Variants in BRSK2 observed in about 807,000 individuals in gnomAD.
The protein encoded by BRSK2 is BR serine/threonine kinase 2, also known as serine/threonine-protein kinase BRSK2.
Under a neutral mutation model 83.3 loss-of-function variants are expected in BRSK2, and 19 were observed. The observed-to-expected ratio is 0.23, with a 90% CI of 0.16 to 0.33. The LOEUF (loss-of-function observed/expected upper bound fraction) is 0.33, where lower values mean the gene tolerates loss of function less well. Ranked by LOEUF, BRSK2 falls within the 10% of genes least tolerant of loss-of-function variation. The pLI, the probability that BRSK2 is intolerant of heterozygous loss-of-function variation, is 1.00. For missense variants in BRSK2, 798 were observed against 1,042.3 expected (o/e 0.77, Z 3.23); for synonymous variants, 519 against 435.4 (o/e 1.19, Z -2.39).
chr11:1,426,879 C>T (rs1019741060), intron 1 of BRSK2, among the ~76,000 whole-genome samples: 17 of 152,222 alleles, frequency 1.1e-4, no homozygotes, highest in Middle Eastern at 3.4e-3. Context: ...GTCTATGAAA[C>T]GGGACCACTC....
At chr11:1,414,155 A>G (rs1010864021) in intron 1 of BRSK2, among the ~76,000 whole-genome samples, 2 of 152,266 alleles carry the variant, frequency 1.3e-5, no homozygotes, top group Non-Finnish European at 2.9e-5. Flanking sequence ...TGTACGAACT[A>G]GGATTTGTGC....
At chr11:1,426,792 G>C (rs926444104) in intron 1 of BRSK2, among the ~76,000 whole-genome samples, 3 of 152,084 alleles carry the variant, frequency 2.0e-5, no homozygotes, top group African/African-American at 7.2e-5. Flanking sequence ...GGATGTGGCG[G>C]GGCTGCTGGG....
chr11:1,418,990 T>C (rs1001309575), intron 1 of BRSK2, among the ~76,000 whole-genome samples: 1 of 152,204 alleles, frequency 6.6e-6, no homozygotes, highest in Non-Finnish European at 1.5e-5. Context: ...GATTGATTAA[T>C]TGATTGATCG....
chr11:1,413,708 AGAACGGGG>A (rs1410198622), intron 1 of BRSK2, among the ~76,000 whole-genome samples: 1 of 152,170 alleles, frequency 6.6e-6, no homozygotes, highest in East Asian at 1.9e-4. Flanking sequence ...GGGCCTGGGC[AGAACGGGG>A]GAACCAAAAG....
intron 12 of BRSK2, among the ~76,000 whole-genome samples, chr11:1,449,036 G>C (rs1845474279): frequency 6.6e-6 from 1 of 152,246 alleles, no homozygotes; most frequent in South Asian, 2.1e-4. Context: ...AAGGATGGCA[G>C]CTGCCACTGT....
intron 1 of BRSK2, among the ~76,000 whole-genome samples, chr11:1,426,234 CGTGCTCCGGGG>C (rs1564826527): frequency 6.5e-4 from 62 of 95,970 alleles, no homozygotes; most frequent in Admixed American, 1.8e-3. Flanking sequence ...GTGTGTGGGG[CGTGCTCCGGGG>C]ATGTGTGTGG....
chr11:1,450,661 G>A lies in BRSK2; in HGVS notation c.1362G>A (p.Glu454=), dbSNP rs1845709064. 6.2e-7 allele frequency: 1 copy of A among 1,609,420 alleles called. No homozygotes were observed. The highest frequency in any genetic ancestry group is 8.5e-7 in the Non-Finnish European group (1 of 1,178,742). The change falls in exon 14 of 20, where the codon GAG becomes GAA. Residue 454 remains glutamate (E), a synonymous_variant. Coordinates refer to ENST00000528841, the MANE Select transcript of BRSK2 (RefSeq NM_001256627.2). ...GGACACCTGTCCACACGCCAAAGGA[G>A]AGCCCGGCTGGCACGCCCAACCCCA... ...PKGTPVHTPK[E]SPAGTPNPTP...
intron 12 of BRSK2, among the ~76,000 whole-genome samples, chr11:1,447,297 G>A (rs977319481): frequency 1.2e-4 from 18 of 152,150 alleles, no homozygotes; most frequent in African/African-American, 2.4e-4. Context: ...CCACCTCCCC[G>A]GACTCCCCGA....
At chr11:1,421,102 C>T (rs1231692682) in intron 1 of BRSK2, among the ~76,000 whole-genome samples, 2 of 152,186 alleles carry the variant, frequency 1.3e-5, no homozygotes, top group Non-Finnish European at 2.9e-5. Context: ...GGGCTCCTGG[C>T]TTGGCTGACC....
chr11:1,458,950 G>A (rs1216966846), intron 18 of BRSK2, among the ~76,000 whole-genome samples: 3 of 152,156 alleles, frequency 2.0e-5, no homozygotes, highest in Non-Finnish European at 4.4e-5. Context: ...TGCTGCCCAG[G>A]TGGCTCCGCC....
At chr11:1,445,246 C>G in intron 9 of BRSK2, 48 bp from the exon 10 acceptor site, 1 of 1,561,562 alleles carries the variant, frequency 6.4e-7, no homozygotes, top group African/African-American at 1.4e-5. Context: ...CGCAGCCGCC[C>G]AGGCCCGGCC....
chr11:1,392,386 T>C (rs565801277), intron 1 of BRSK2, among the ~76,000 whole-genome samples: 1 of 152,350 alleles, frequency 6.6e-6, no homozygotes, highest in Admixed American at 6.5e-5. Context: ...GAGGCCTTGC[T>C]TGGGGGGCCA....
At chr11:1,405,315 G>A (rs56730741) in intron 1 of BRSK2, among the ~76,000 whole-genome samples, 12,663 of 152,172 alleles carry the variant, frequency 0.083, 760 homozygotes, top group African/African-American at 0.16. Context: ...AGGTGTGTGC[G>A]TCTGTGTATG....
intron 18 of BRSK2, 90 bp from the exon 19 acceptor site, chr11:1,459,102 C>T (rs988791213): frequency 1.3e-5 from 17 of 1,355,344 alleles, no homozygotes; most frequent in Non-Finnish European, 1.8e-5. Context: ...GGCTCCACCC[C>T]CTCCCCATCG....
chr11:1,447,576 G>A (rs894478244), intron 12 of BRSK2, among the ~76,000 whole-genome samples: 1 of 152,162 alleles, frequency 6.6e-6, no homozygotes, highest in East Asian at 1.9e-4. Flanking sequence ...GACTGGGGAC[G>A]CAGGGGTCCT....
rs1436939869 is a variant in BRSK2, at chr11:1,444,962, T to C, written c.781-9T>C. 1.9e-6 allele frequency: 3 copies of C among 1,612,502 alleles called. No homozygotes were observed. The highest frequency in any genetic ancestry group is 2.5e-6 in the Non-Finnish European group (3 of 1,178,684). The stretch of plus-strand genomic sequence containing the variant: ...TCCGTACTAACTCCCTGTTTCTCTT[T>C]CCTTGTAGCTAGAGCACATTCAGAA... On this transcript the variant is annotated splice_polypyrimidine_tract_variant and intron_variant, in intron 8 of 19. Coordinates refer to ENST00000528841, the MANE Select transcript of BRSK2 (RefSeq NM_001256627.2).
chr11:1,426,406 C>G (rs1849229851), intron 1 of BRSK2, among the ~76,000 whole-genome samples: 1 of 152,140 alleles, frequency 6.6e-6, no homozygotes, highest in Non-Finnish European at 1.5e-5. Flanking sequence ...AAAGAAGAGG[C>G]TTGAACTGTC....
chr11:1,399,779 C>G (rs1036380129), intron 1 of BRSK2, among the ~76,000 whole-genome samples: 15 of 152,164 alleles, frequency 9.9e-5, no homozygotes, highest in South Asian at 2.1e-4. Flanking sequence ...GACCAAATTC[C>G]CCGGTGCCGT....
Position 1,390,350 on chromosome 11 carries a change from G to A in BRSK2, c.66G>A (p.Glu22=). ...HAQYVGPYRL[E]KTLGKGQTGL... Reference sequence around the variant, plus strand: ...AGTATGTTGGGCCCTACCGGCTGGAGAAGACGCTGGGCAAGGGGCAGACAG... The same window carrying A: ...AGTATGTTGGGCCCTACCGGCTGGAAAAGACGCTGGGCAAGGGGCAGACAG... Residue 22 remains glutamate, a synonymous_variant, in exon 1 of 20, where the codon GAG becomes GAA. Coordinates refer to ENST00000528841, the MANE Select transcript of BRSK2 (RefSeq NM_001256627.2). The surrounding 1 kb of genome is among the most constrained non-coding windows in gnomAD (Gnocchi z 6.8). The A allele has an allele frequency of 9.6e-7, 1 of 1,039,348 alleles. No homozygotes were observed. The highest frequency in any genetic ancestry group is 1.2e-6 in the Non-Finnish European group (1 of 855,782). The allele number at this position is 1,039,348 out of a possible 1,614,324, so 64.4% of individuals were successfully genotyped here. A position where few individuals can be genotyped will look rare whatever the true frequency, so the allele number is the denominator to read the frequency against.
Sources: allele counts gnomAD v4.1 joint callset (sites outside exome capture counted in the v4.1 genomes callset), GRCh38; gene constraint gnomAD v4.1.1; non-coding constraint Gnocchi (gnomAD v3.1); transcripts MANE v1.5; gene names NCBI Gene and HGNC (gene_info 2026-07-23, HGNC 2026-07-21).